MSR1: variants seen among roughly 807,000 people sequenced by gnomAD.
MSR1 encodes the protein macrophage scavenger receptor 1.
In MSR1, 53 loss-of-function variants were observed where a neutral mutation model predicts 47.2. The ratio of observed to expected loss-of-function variants is 1.12; its 90% CI spans 0.90 to 1.41. The LOEUF (loss-of-function observed/expected upper bound fraction) is 1.41, where lower values mean the gene tolerates loss of function less well. MSR1 is among the 40% of genes most tolerant of loss of function. The probability of loss-of-function intolerance (pLI) is 0.00; values close to 1 mark genes in which losing one functional copy is unlikely to be tolerated. For missense variants in MSR1, 786 were observed against 546.9 expected, an observed-to-expected ratio of 1.44 and a Z score of -4.36; for synonymous variants, 239 against 185.6, an observed-to-expected ratio of 1.29 and a Z score of -2.34.
chr8:16,162,138 A>T (rs991661974), intron 5 of MSR1, among the ~76,000 whole-genome samples: 7 of 152,074 alleles, frequency 4.6e-5, no homozygotes, highest in African/African-American at 1.7e-4. Context: ...AAAACCACAG[A>T]TAAGTAAAAC....
intron 8 of MSR1, among the ~76,000 whole-genome samples, chr8:16,123,664 C>T (rs970281403): frequency 1.3e-5 from 2 of 151,716 alleles, no homozygotes; most frequent in Non-Finnish European, 2.9e-5. Context: ...ATCAAATAAA[C>T]ACAGATAAGC....
At chr8:16,133,150 A>C (rs953856768) in intron 8 of MSR1, among the ~76,000 whole-genome samples, 8 of 152,170 alleles carry the variant, frequency 5.3e-5, no homozygotes, top group African/African-American at 1.9e-4. Context: ...TAAAAGGTAA[A>C]AATCACAAAA....
chr8:16,140,713 A>C, intron 8 of MSR1: 3 of 1,366,530 alleles, frequency 2.2e-6, no homozygotes, highest in Non-Finnish European at 1.9e-6. Flanking sequence ...TGGTTGGAGC[A>C]GCCCTCCAGT....
intron 3 of MSR1, among the ~76,000 whole-genome samples, chr8:16,171,019 T>C (rs1002713413): frequency 6.6e-6 from 1 of 151,766 alleles, no homozygotes; most frequent in African/African-American, 2.4e-5. Context: ...AGGTCAGGAG[T>C]TCGAGACCAG....
chr8:16,111,416 C>G (rs1006263831), intron 9 of MSR1, among the ~76,000 whole-genome samples: 1 of 152,182 alleles, frequency 6.6e-6, no homozygotes, highest in African/African-American at 2.4e-5. Flanking sequence ...ATTGTGAACC[C>G]GGGCTACTGT....
chr8:16,186,168 T>G, intron 1 of MSR1: 1 of 1,535,120 alleles, frequency 6.5e-7, no homozygotes, highest in Non-Finnish European at 8.7e-7. Context: ...CGGTTTTTTG[T>G]TGAGAAGAGA....
At chr8:16,114,701 G>C (rs983244996) in intron 9 of MSR1, among the ~76,000 whole-genome samples, 9 of 152,110 alleles carry the variant, frequency 5.9e-5, no homozygotes, top group African/African-American at 1.9e-4. Context: ...ATTTAAAGGA[G>C]CATGCTTGAA....
chr8:16,134,799 G>A (rs1032388716), intron 8 of MSR1, among the ~76,000 whole-genome samples: 2 of 152,132 alleles, frequency 1.3e-5, no homozygotes, highest in African/African-American at 4.8e-5. Flanking sequence ...CCACTCCAGT[G>A]AACACAAAAA....
intron 8 of MSR1, among the ~76,000 whole-genome samples, chr8:16,123,196 C>T (rs956638731): frequency 1.3e-5 from 2 of 152,098 alleles, no homozygotes; most frequent in Non-Finnish European, 2.9e-5. Flanking sequence ...TGATCCATAT[C>T]TGTCACCTGA....
At chr8:16,163,194 A>G (rs949125950) in intron 5 of MSR1, among the ~76,000 whole-genome samples, 13 of 152,038 alleles carry the variant, frequency 8.6e-5, no homozygotes, top group Admixed American at 1.3e-4. Context: ...TAATCAATCC[A>G]AAAGTGGCAA....
chr8:16,186,679 G>T (rs944216848), intron 1 of MSR1, among the ~76,000 whole-genome samples: 3 of 151,258 alleles, frequency 2.0e-5, no homozygotes, highest in African/African-American at 7.3e-5. Context: ...TCTTGCTCAG[G>T]CTGGAGTGCA....
chr8:16,168,628 C>T lies in MSR1; in HGVS notation c.460G>A (p.Asp154Asn). The change falls in exon 4 of 10, where the codon GAC (aspartate) becomes AAC (asparagine). Residue 154 changes from aspartate (D) to asparagine (N), a missense_variant. Coordinates refer to ENST00000262101, the MANE Select transcript of MSR1 (RefSeq NM_138715.3). ...AAGGTACTTAGCTGCAGAAGAATGT[C>T]ATTAAATCTTTGATCAGTTGTCATG... is the stretch of plus-strand genomic sequence containing the variant. ...FSMTTDQRFN[D>N]ILLQLSTLFS... 6.2e-7 allele frequency: 1 copy of T among 1,614,130 alleles called. No individual in the cohort carries two copies. The highest frequency in any genetic ancestry group is 1.3e-5 in the African/African-American group (1 of 75,052).
chr8:16,184,088 G>A, intron 1 of MSR1, among the ~76,000 whole-genome samples: 1 of 151,146 alleles, frequency 6.6e-6, no homozygotes, highest in Non-Finnish European at 1.5e-5. Context: ...TGAACAATAT[G>A]GAACTGAGAG....
Position 16,168,468 on chromosome 8 carries a change from T to A in MSR1, c.620A>T (p.Lys207Ile). The A allele has an allele frequency of 6.2e-7, 1 of 1,614,124 alleles. No homozygotes were observed. Among genetic ancestry groups the A allele is most frequent in the Non-Finnish European group, 8.5e-7 (1 of 1,179,994 alleles). ...TCCACAAACTCTTACCTCTTGTTGTTTGAAGGTATTCTCTTGGATTTTGCC... is the reference window on the plus strand; with the variant it reads ...TCCACAAACTCTTACCTCTTGTTGTATGAAGGTATTCTCTTGGATTTTGCC... Reference protein sequence around the residue: ...LNGKIQENTFKQQEEISKLEE... With the variant: ...LNGKIQENTFIQQEEISKLEE... Residue 207 changes from lysine to isoleucine, a missense_variant, in exon 4 of 10, where the codon AAA becomes ATA. Coordinates refer to ENST00000262101, the MANE Select transcript of MSR1 (RefSeq NM_138715.3).
chr8:16,147,960 A>G (rs1800745607), intron 7 of MSR1, among the ~76,000 whole-genome samples: 1 of 152,104 alleles, frequency 6.6e-6, no homozygotes, highest in Non-Finnish European at 1.5e-5. Flanking sequence ...CCAATCCCAG[A>G]CCTACTGCAT....
intron 1 of MSR1, among the ~76,000 whole-genome samples, chr8:16,181,024 G>C (rs896667588): frequency 6.6e-6 from 1 of 151,894 alleles, no homozygotes; most frequent in Non-Finnish European, 1.5e-5. Flanking sequence ...AGCCAAACTG[G>C]ATTATTTAGA....
chr8:16,123,410 T>G (rs1204131510), intron 8 of MSR1, among the ~76,000 whole-genome samples: 1 of 152,200 alleles, frequency 6.6e-6, no homozygotes, highest in African/African-American at 2.4e-5. Context: ...GGATTTTCTC[T>G]GTAAGACTGA....
chr8:16,150,983 T>A (rs1413243798), intron 6 of MSR1, among the ~76,000 whole-genome samples: 1 of 152,098 alleles, frequency 6.6e-6, no homozygotes, highest in Non-Finnish European at 1.5e-5. Flanking sequence ...CTATTTTTTT[T>A]ACCCAATATT....
chr8:16,166,762 T>C (rs1801323429), intron 4 of MSR1, among the ~76,000 whole-genome samples: 1 of 152,152 alleles, frequency 6.6e-6, no homozygotes, highest in Admixed American at 6.5e-5. Flanking sequence ...GGTGTGTCCT[T>C]GATAAGTGTT....
Sources: gnomAD v4.1 joint callset for allele counts (sites outside exome capture counted in the v4.1 genomes callset) on GRCh38, gnomAD v4.1.1 for gene constraint, MANE v1.5 for transcripts, NCBI Gene and HGNC (gene_info 2026-07-23, HGNC 2026-07-21) for gene names.